Variants in SPTBN1 observed in about 807,000 individuals in gnomAD.
SPTBN1 encodes spectrin beta chain, non-erythrocytic 1.
A neutral mutation model predicts 266.4 loss-of-function variants in SPTBN1; 32 were observed. The ratio of observed to expected loss-of-function variants is 0.12; its 90% CI spans 0.09 to 0.16. The LOEUF (loss-of-function observed/expected upper bound fraction) is 0.16. Among genes scored for constraint, SPTBN1 ranks in the 10% least tolerant of loss-of-function variants. The pLI is 1.00. For missense variants in SPTBN1, 2,296 were observed against 3,067.1 expected (o/e 0.75, Z 5.94); for synonymous variants, 1,336 against 1,162.2 (o/e 1.15, Z -3.04).
chr2:54,668,435 C>T lies in SPTBN1; in HGVS notation c.6961C>T (p.Pro2321Ser), dbSNP rs188519257. 56 of 1,614,092 alleles carry T rather than the reference C, an allele frequency of 3.5e-5. No homozygotes were observed. Among genetic ancestry groups the T allele is most frequent in the Non-Finnish European group, 4.4e-5 (52 of 1,180,044 alleles). The part of the protein sequence containing the change: ...HEVSASTQST[P>S]ASSRAQTLPT... The stretch of plus-strand genomic sequence containing the variant: ...GGTGTCTGCCAGCACCCAGAGCACG[C>T]CAGCATCCAGCCGCGCGCAGACCCT... Residue 2321 changes from proline to serine, a missense_variant, in exon 36 of 36, where the codon CCA (proline) becomes TCA (serine). Coordinates refer to ENST00000356805, the MANE Select transcript of SPTBN1 (RefSeq NM_003128.3).
chr2:54,622,730 A>G (rs954910355), intron 9 of SPTBN1, among the ~76,000 whole-genome samples: 2 of 152,212 alleles, frequency 1.3e-5, no homozygotes, highest in African/African-American at 4.8e-5. Flanking sequence ...AAGAAATGGT[A>G]CAAGTCCCCA....
intron 1 of SPTBN1, among the ~76,000 whole-genome samples, chr2:54,485,627 G>A (rs555075213): frequency 2.7e-4 from 41 of 152,288 alleles, no homozygotes; most frequent in South Asian, 1.2e-3. Context: ...TCTGGGAAGC[G>A]AGGAGCGTCT....
At chr2:54,663,254 CTT>C (rs1474385273) in intron 32 of SPTBN1, 3 of 152,240 alleles carry the variant, frequency 2.0e-5, no homozygotes, top group Admixed American at 1.3e-4. Context: ...TTTGGTGTCA[CTT>C]TGGTCTTGGG....
intron 1 of SPTBN1, among the ~76,000 whole-genome samples, chr2:54,487,832 C>CTTTTTTTTTTTTCTTTTTTTTTT (rs1668487099): frequency 1.5e-5 from 1 of 68,644 alleles, no homozygotes; most frequent in Non-Finnish European, 2.6e-5. Context: ...CCTCCTGTGT[C>CTTTTTTTTTTTTCTTTTTTTTTT]TTTTTTTTTT....
At chr2:54,562,794 G>C (rs1038037195) in intron 2 of SPTBN1, among the ~76,000 whole-genome samples, 7 of 151,618 alleles carry the variant, frequency 4.6e-5, no homozygotes, top group Non-Finnish European at 8.8e-5. Flanking sequence ...ATGAGCTCAA[G>C]TGATTGGTCT....
rs1669584649 is a variant in SPTBN1, at chr2:54,506,805, A to G, written c.-47-19567A>G. Among the ~76,000 whole-genome samples the G allele has an allele frequency of 2.6e-5, 4 of 152,156 alleles. No homozygotes were observed. The South Asian group carries it at 8.3e-4, about 31-fold the overall frequency. On this transcript the variant is annotated intron_variant, in intron 1 of 35. Coordinates refer to ENST00000356805, the MANE Select transcript of SPTBN1 (RefSeq NM_003128.3). The stretch of plus-strand genomic sequence containing the variant: ...GAAAAAACAACAAACCAGTAGGAAC[A>G]TAGAACAGGAGAGGCCCTGGGCTGG...
At chr2:54,463,274 A>G (rs1010736371) in intron 1 of SPTBN1, among the ~76,000 whole-genome samples, 6 of 152,246 alleles carry the variant, frequency 3.9e-5, no homozygotes, top group African/African-American at 1.4e-4. Context: ...AAAGATTTCA[A>G]ATTTGAATAA....
chr2:54,668,798 T>C lies in SPTBN1; in HGVS notation c.*229T>C, dbSNP rs63629260. 2.0e-6 allele frequency: 1 copy of C among 502,116 alleles called. No individual in the cohort carries two copies. The highest frequency in any genetic ancestry group is 3.6e-5 in the East Asian group (1 of 27,528). The allele number at this position is 502,116 out of a possible 1,614,324, so 31.1% of individuals were successfully genotyped here. A position where few individuals can be genotyped will look rare whatever the true frequency, so the allele number is the denominator to read the frequency against. ...CAGAGGGAAGGCCAGATTTTTTTTT[T>C]AATGAAATTATATAGATTAGATCTC... On this transcript the variant is annotated 3_prime_UTR_variant, in exon 36 of 36. Transcript: ENST00000356805.
intron 2 of SPTBN1, among the ~76,000 whole-genome samples, chr2:54,531,062 G>A (rs887443989): frequency 6.6e-6 from 1 of 152,276 alleles, no homozygotes. Context: ...CCAGTACCTT[G>A]CCCTGTGCAC....
In SPTBN1 at chr2:54,558,561, C is replaced by A; in HGVS notation, c.148+31995C>A. Reference sequence around the variant, plus strand: ...GCAAGGGCCACGGAAGAAGGGAAAGCAAGAAATTAGATGCCTGTGTGGTAA... The same window carrying A: ...GCAAGGGCCACGGAAGAAGGGAAAGAAAGAAATTAGATGCCTGTGTGGTAA... On this transcript the variant is annotated intron_variant, in intron 2 of 35. Transcript: ENST00000356805. This position sits in a 1 kb window ranked among gnomAD's most constrained non-coding sequence, Gnocchi z 4.6. The A allele has an allele frequency of 7.6e-7, 1 of 1,323,322 alleles. No individual in the cohort carries two copies. Among genetic ancestry groups the A allele is most frequent in the South Asian group, 2.2e-5 (1 of 46,246 alleles). The allele number at this position is 1,323,322 out of a possible 1,614,324, so 82.0% of individuals were successfully genotyped here.
chr2:54,467,000 C>T (rs1234903030), intron 1 of SPTBN1, among the ~76,000 whole-genome samples: 1 of 152,108 alleles, frequency 6.6e-6, no homozygotes, highest in Admixed American at 6.5e-5. Flanking sequence ...GCTCTAAGAA[C>T]TGGCCGAGAG....
chr2:54,598,829 C>T (rs1416265122), intron 2 of SPTBN1, among the ~76,000 whole-genome samples: 2 of 152,204 alleles, frequency 1.3e-5, no homozygotes, highest in Non-Finnish European at 2.9e-5. Context: ...AAGGACTGGA[C>T]AGTTCCTACA....
At position 54,631,545 on chromosome 2, in the gene SPTBN1, C is replaced by T. The variant is rs376935801; in HGVS notation, c.3498C>T (p.Ser1166=). 13 of 1,614,162 alleles carry T rather than the reference C, an allele frequency of 8.1e-6. No homozygotes were observed. The South Asian group carries it at 1.1e-4, about 14-fold the overall frequency. Residue 1166 remains serine (S), a synonymous_variant, in exon 16 of 36, where the codon TCC becomes TCT. Transcript: ENST00000356805. Reference sequence around the variant, plus strand: ...GGGAGAACAGACAAAATCTCCTATCCCAGTCACATGCCTACCAGCAGTTCC... The same window carrying T: ...GGGAGAACAGACAAAATCTCCTATCTCAGTCACATGCCTACCAGCAGTTCC... ...KMWENRQNLL[S]QSHAYQQFLR...
intron 2 of SPTBN1, among the ~76,000 whole-genome samples, chr2:54,553,237 A>G (rs1272526813): frequency 6.6e-6 from 1 of 152,168 alleles, no homozygotes; most frequent in East Asian, 1.9e-4. Flanking sequence ...GGTGGCAACT[A>G]GTAGTTAGGG....
intron 1 of SPTBN1, among the ~76,000 whole-genome samples, chr2:54,470,188 TG>T (rs1489630930): frequency 2.0e-5 from 3 of 152,372 alleles, no homozygotes; most frequent in African/African-American, 7.2e-5. Flanking sequence ...GAGAGAAGGC[TG>T]ATGTATCGTC....
Position 54,655,993 on chromosome 2 carries a change from G to A in SPTBN1, c.6041G>A (p.Arg2014Lys), listed in dbSNP as rs1420423916. The A allele has an allele frequency of 1.2e-6, 2 of 1,612,290 alleles. No individual in the cohort carries two copies. The highest frequency in any genetic ancestry group is 1.3e-5 in the African/African-American group (1 of 75,026). ...TGGGAAGACCGATGGGAATGGTTAA[G>A]ACTGAGTAAGGATGTAGTTTATCTT... Reference protein sequence around the residue: ...DKWEDRWEWLRLILEVHQFSR... With the variant: ...DKWEDRWEWLKLILEVHQFSR... The change falls in exon 29 of 36, where the codon AGA becomes AAA. Residue 2014 changes from arginine (R) to lysine (K), a missense_variant. Physicochemically the swap from Arg to Lys is conservative, Grantham distance 26 (BLOSUM62 2). This residue lies in a region of SPTBN1 where 644 missense variants were observed against 745.3 expected (regional missense o/e 0.86). Coordinates refer to ENST00000356805, the MANE Select transcript of SPTBN1 (RefSeq NM_003128.3).
rs952569203 is a variant in SPTBN1, at chr2:54,626,510, TTTTC to T, written c.1644+280_1644+283del. 2.1e-4 allele frequency among the ~76,000 whole-genome samples: 32 copies of T among 151,632 alleles called. No individual in the cohort carries two copies. The highest frequency in any genetic ancestry group is 7.8e-4 in the African/African-American group (32 of 41,218). On this transcript the variant is annotated intron_variant, in intron 12 of 35. Transcript: ENST00000356805. This position sits in a 1 kb window ranked among gnomAD's most constrained non-coding sequence, Gnocchi z 4.7. ...GTGTAGGGAATCAATCACATTGTGG[TTTTC>T]TTTATTTTTAAGTTTTCAGGGTTAA...
chr2:54,551,422 C>T (rs1022069972), intron 2 of SPTBN1, among the ~76,000 whole-genome samples: 10 of 152,250 alleles, frequency 6.6e-5, no homozygotes, highest in South Asian at 2.1e-4. Context: ...GCCTCTGGAC[C>T]GGGGCATTCT....
intron 2 of SPTBN1, among the ~76,000 whole-genome samples, chr2:54,567,784 C>T (rs141553759): frequency 4.6e-5 from 7 of 152,172 alleles, no homozygotes; most frequent in East Asian, 3.9e-4. Context: ...GCTTTATTCT[C>T]TCTCTATATA....
Sources: allele counts gnomAD v4.1 joint callset (sites outside exome capture counted in the v4.1 genomes callset), GRCh38; gene constraint gnomAD v4.1.1; regional missense constraint gnomAD v4.1.1; non-coding constraint Gnocchi (gnomAD v3.1); transcripts MANE v1.5; gene names NCBI Gene and HGNC (gene_info 2026-07-23, HGNC 2026-07-21).